Variants in LMBRD2 observed in about 807,000 individuals in gnomAD.
LMBRD2 encodes G protein-coupled receptor-associated protein LMBRD2.
In LMBRD2, 55 loss-of-function variants were observed where a neutral mutation model predicts 94.4. The ratio of observed to expected loss-of-function variants is 0.58; its 90% confidence interval spans 0.47 to 0.73. The LOEUF (loss-of-function observed/expected upper bound fraction) is 0.73. Ranked by LOEUF, LMBRD2 falls within the 30% of genes least tolerant of loss-of-function variation. The pLI, the probability that LMBRD2 is intolerant of heterozygous loss-of-function variation, is 0.00. For missense variants in LMBRD2, 640 were observed against 831.9 expected, an observed-to-expected ratio of 0.77 and a Z score of 2.84; for synonymous variants, 246 against 272.4, an observed-to-expected ratio of 0.90 and a Z score of 0.95.
At chr5:36,118,066 A>T (rs1202145255) in intron 9 of LMBRD2, 150 bp from the exon 10 acceptor site, 1 of 603,908 alleles carries the variant, frequency 1.7e-6, no homozygotes, top group African/African-American at 1.9e-5. Flanking sequence ...TACGAACCTA[A>T]CCAAATGACA....
chr5:36,136,392 G>C lies in LMBRD2; in HGVS notation c.664C>G (p.Leu222Val). ...GCCTTAAAATACGTTTTCATAAGTA[G>C]ATAACCCCTTTTTGCTCCATTCCAG... is the stretch of plus-strand genomic sequence containing the variant. Reference protein sequence around the residue: ...SYWNGAKRGYLLMKTYFKAAK... With the variant: ...SYWNGAKRGYVLMKTYFKAAK... The change falls in exon 6 of 18, where the codon CTA becomes GTA. Residue 222 changes from leucine (L) to valine (V), a missense_variant. Leu to Val is a conservative substitution (Grantham distance 32). Around this residue, in one of 2 missense-constraint regions of LMBRD2, gnomAD observed 457 missense variants for 642.8 expected, o/e 0.71. Coordinates refer to ENST00000296603, the MANE Select transcript of LMBRD2 (RefSeq NM_001007527.2). 1 of 1,613,946 alleles carries C rather than the reference G, an allele frequency of 6.2e-7. No individual in the cohort carries two copies. Among genetic ancestry groups the C allele is most frequent in the African/African-American group, 1.3e-5 (1 of 74,996 alleles).
rs116323557 is a variant in LMBRD2 at position 36,135,074 on chromosome 5, A to G, written c.747+1235T>C. ...TGGCTATGGCTGCTTTCATCCTACA[A>G]TGACAGAGTAGTTGCAATAGAAATG... is the stretch of plus-strand genomic sequence containing the variant. On this transcript the variant is annotated intron_variant, in intron 6 of 17. Transcript: ENST00000296603. Among the ~76,000 whole-genome samples the G allele has an allele frequency of 3.0e-3, 457 of 152,288 alleles. 3 individuals carry two copies. The highest frequency in any genetic ancestry group is 0.011 in the African/African-American group (443 of 41,568).
In LMBRD2 at chr5:36,143,391, C is replaced by A; in HGVS notation, c.-42G>T. 1 of 1,460,606 alleles carries A rather than the reference C, an allele frequency of 6.8e-7. No individual in the cohort carries two copies. Among genetic ancestry groups the A allele is most frequent in the Non-Finnish European group, 9.4e-7 (1 of 1,064,688 alleles). 90.5% of individuals were successfully genotyped at this position (1,460,606 alleles called of 1,614,324 possible). On this transcript the variant is annotated 5_prime_UTR_variant, in exon 2 of 18. Transcript: ENST00000296603. ...CTGACTAACCAAAGTTATTCATGTA[C>A]AGGTCTGGACCATATCTATAAAGTA...
At chr5:36,114,321 A>G in intron 13 of LMBRD2, 103 bp downstream of exon 13, 1 of 1,381,602 alleles carries the variant, frequency 7.2e-7, no homozygotes. Context: ...CAAAGCTACA[A>G]TGAAACAAAC....
rs1044256116 is a variant in LMBRD2 at position 36,101,358 on chromosome 5, C to A, written c.*2688G>T. The A allele has an allele frequency of 6.6e-6, 1 of 151,752 alleles. No individual in the cohort carries two copies. The highest frequency in any genetic ancestry group is 2.4e-5 in the African/African-American group (1 of 41,440). 9.4% of individuals were successfully genotyped at this position (151,752 alleles called of 1,614,324 possible). ...ATTACTGGCTTACTGAATATTCTTA[C>A]CTAACAACTATTTAAAGAATAATTT... On this transcript the variant is annotated 3_prime_UTR_variant, in exon 18 of 18. Coordinates refer to ENST00000296603, the MANE Select transcript of LMBRD2 (RefSeq NM_001007527.2).
At chr5:36,128,026 C>G (rs1279568532) in intron 6 of LMBRD2, among the ~76,000 whole-genome samples, 1 of 152,146 alleles carries the variant, frequency 6.6e-6, no homozygotes, top group Admixed American at 6.5e-5. Flanking sequence ...TTGAGACACC[C>G]CTCCCCCACC....
intron 6 of LMBRD2, among the ~76,000 whole-genome samples, chr5:36,132,977 C>G (rs189327264): frequency 6.8e-6 from 1 of 147,562 alleles, no homozygotes; most frequent in Admixed American, 6.8e-5. Context: ...CTATGGAGAA[C>G]AGTTTGGAGG....
In LMBRD2 at chr5:36,117,868, G is replaced by GC; in HGVS notation, c.1168dup (p.Ala390GlyfsTer20). 2.5e-6 allele frequency: 4 copies of GC among 1,613,510 alleles called. No individual in the cohort carries two copies. Among genetic ancestry groups the GC allele is most frequent in the Non-Finnish European group, 3.4e-6 (4 of 1,179,774 alleles). On this transcript the variant is annotated frameshift_variant, in exon 10 of 18. Coordinates refer to ENST00000296603, the MANE Select transcript of LMBRD2 (RefSeq NM_001007527.2). LOFTEE classifies it high-confidence loss of function. The stretch of plus-strand genomic sequence containing the variant: ...CACAGAGAAGATGGACAGAACCACA[G>GC]CAAGTATCTTGTAAAACCATGGTCG...
Position 36,151,080 on chromosome 5 carries a change from C to T in LMBRD2, c.-58+476G>A, listed in dbSNP as rs569445238. 1.4e-4 allele frequency among the ~76,000 whole-genome samples: 21 copies of T among 152,274 alleles called. No homozygotes were observed. Among genetic ancestry groups the T allele is most frequent in the Middle Eastern group, 6.8e-3 (2 of 294 alleles). ...GTTTGCCCAATGGATTTCGCATGGT[C>T]ATTGTACCTGGAATATGTCACGCTC... On this transcript the variant is annotated intron_variant, in intron 1 of 17. Coordinates refer to ENST00000296603, the MANE Select transcript of LMBRD2 (RefSeq NM_001007527.2). This position sits in a 1 kb window ranked among gnomAD's most constrained non-coding sequence, Gnocchi z 4.7.
At chr5:36,141,291 C>T in intron 3 of LMBRD2, 89 bp from the exon 4 acceptor site, 2 of 682,216 alleles carry the variant, frequency 2.9e-6, no homozygotes, top group South Asian at 2.1e-5. Context: ...AGTTAATTTA[C>T]ATTCAGATTT....
At chr5:36,130,606 A>T (rs1390188864) in intron 6 of LMBRD2, among the ~76,000 whole-genome samples, 1 of 152,196 alleles carries the variant, frequency 6.6e-6, no homozygotes, top group Non-Finnish European at 1.5e-5. Context: ...ATGTAAATGA[A>T]CTAAACTCTT....
chr5:36,142,553 G>A lies in LMBRD2; in HGVS notation c.221C>T (p.Pro74Leu). The stretch of plus-strand genomic sequence containing the variant: ...CAATCCTGTAATGTTGCTATTCTCA[G>A]GAGGGCTTGAATTTGCAGCAGCATG... ...CKHAAANSSP[P>L]ENSNITGLYA... Residue 74 changes from proline (P) to leucine (L), a missense_variant, in exon 3 of 18, where the codon CCT becomes CTT. By Grantham distance (98) the Pro-to-Leu change is moderately conservative. Coordinates refer to ENST00000296603, the MANE Select transcript of LMBRD2 (RefSeq NM_001007527.2). 1 of 1,611,934 alleles carries A rather than the reference G, an allele frequency of 6.2e-7. No homozygotes were observed. Among genetic ancestry groups the A allele is most frequent in the South Asian group, 1.1e-5 (1 of 91,024 alleles).
intron 9 of LMBRD2, among the ~76,000 whole-genome samples, chr5:36,119,653 C>G (rs1047773518): frequency 6.6e-6 from 1 of 152,182 alleles, no homozygotes; most frequent in Non-Finnish European, 1.5e-5. Context: ...TAATCACTAG[C>G]TTCAAGTGGG....
intron 6 of LMBRD2, among the ~76,000 whole-genome samples, chr5:36,129,645 A>T (rs1359156163): frequency 6.6e-6 from 1 of 152,222 alleles, no homozygotes; most frequent in African/African-American, 2.4e-5. Flanking sequence ...AAGGACATTG[A>T]TGAGCAATAA....
At chr5:36,118,048 C>T (rs867166866) in intron 9 of LMBRD2, 132 bp from the exon 10 acceptor site, 6 of 684,302 alleles carry the variant, frequency 8.8e-6, no homozygotes, top group Middle Eastern at 6.9e-4. Flanking sequence ...GTGGAGAATC[C>T]AGGCAGATAC....
intron 1 of LMBRD2, chr5:36,147,824 T>C (rs541736084): frequency 1.0e-5 from 4 of 390,602 alleles, no homozygotes; most frequent in South Asian, 7.4e-5. Flanking sequence ...GGGTACCAAG[T>C]GATCAGAACA....
At chr5:36,139,898 C>A (rs1579525634) in intron 4 of LMBRD2, among the ~76,000 whole-genome samples, 4 of 152,206 alleles carry the variant, frequency 2.6e-5, no homozygotes, top group African/African-American at 9.6e-5. Context: ...ATACCTCATT[C>A]TTCCTGGATG....
intron 8 of LMBRD2, 90 bp downstream of exon 8, chr5:36,122,758 A>G (rs905480953): frequency 7.7e-6 from 11 of 1,431,204 alleles, no homozygotes; most frequent in African/African-American, 1.5e-5. Context: ...TTAAATACAC[A>G]TTCACTAAAA....
rs138964992 is a variant in LMBRD2 at position 36,131,964 on chromosome 5, A to C, written c.747+4345T>G. Among the ~76,000 whole-genome samples the C allele has an allele frequency of 2.3e-3, 355 of 152,282 alleles. 3 individuals are homozygous for C. The highest frequency in any genetic ancestry group is 8.1e-3 in the African/African-American group (337 of 41,570). On this transcript the variant is annotated intron_variant, in intron 6 of 17. Transcript: ENST00000296603. ...CATTCTTAACAGAAATAGAAAAAGC[A>C]ATCCTAAAATTTATATGGAACCACA...
Sources: gnomAD v4.1 joint callset for allele counts (sites outside exome capture counted in the v4.1 genomes callset) on GRCh38, gnomAD v4.1.1 for gene constraint, gnomAD v4.1.1 regional missense constraint, Gnocchi (gnomAD v3.1) non-coding constraint, MANE v1.5 for transcripts, NCBI Gene and HGNC (gene_info 2026-07-23, HGNC 2026-07-21) for gene names.